Variants in SCAI observed in about 807,000 individuals in gnomAD.
SCAI encodes suppressor of cancer cell invasion.
A neutral mutation model predicts 92.2 loss-of-function variants in SCAI; 24 were observed. That is an observed-to-expected ratio of 0.26 (90% CI 0.19 to 0.37). The LOEUF is 0.37. Among genes scored for constraint, SCAI ranks in the 10% least tolerant of loss-of-function variants. The pLI is 1.00. For synonymous variants in SCAI, 261 were observed against 258.6 expected, an observed-to-expected ratio of 1.01 and a Z score of -0.09; for missense variants, 450 against 736.2, an observed-to-expected ratio of 0.61 and a Z score of 4.50.
intron 15 of SCAI, among the ~76,000 whole-genome samples, chr9:124,972,090 G>C (rs542244869): frequency 6.6e-6 from 1 of 152,108 alleles, no homozygotes; most frequent in East Asian, 1.9e-4. Flanking sequence ...ACTATTTTTT[G>C]CTCTCAATTA....
chr9:124,952,947 G>T lies in SCAI; in HGVS notation c.1681C>A (p.Arg561=). The T allele has an allele frequency of 6.2e-7, 1 of 1,612,836 alleles. No homozygotes were observed. Among genetic ancestry groups the T allele is most frequent in the Non-Finnish European group, 8.5e-7 (1 of 1,179,644 alleles). Residue 561 remains arginine, a synonymous_variant, in exon 18 of 18, where the codon CGA becomes AGA. Transcript: ENST00000336505. ...MRMHKIFRET[R]NYPESYPQLP... ...TGTGGATATGATTCTGGATAATTTC[G>T]TGTTTCCTGGTAGGCAAAGAAGAGA...
chr9:125,016,293 CAGG>C (rs1832758149), intron 9 of SCAI, among the ~76,000 whole-genome samples: 1 of 150,530 alleles, frequency 6.6e-6, no homozygotes, highest in African/African-American at 2.4e-5. Context: ...AAGGCTGAGG[CAGG>C]AGAATCGCTT....
At chr9:124,956,849 A>G (rs1831322085) in intron 17 of SCAI, among the ~76,000 whole-genome samples, 1 of 152,208 alleles carries the variant, frequency 6.6e-6, no homozygotes, top group Non-Finnish European at 1.5e-5. Context: ...AGGCATATAG[A>G]TTGGAAAAAA....
intron 13 of SCAI, among the ~76,000 whole-genome samples, chr9:124,995,953 C>T (rs908116935): frequency 2.0e-5 from 3 of 151,912 alleles, no homozygotes; most frequent in African/African-American, 7.3e-5. Context: ...GTGCTCTTTC[C>T]GATGACTGAG....
At chr9:124,973,768 T>C (rs1461533787) in intron 15 of SCAI, among the ~76,000 whole-genome samples, 1 of 152,098 alleles carries the variant, frequency 6.6e-6, no homozygotes, top group Non-Finnish European at 1.5e-5. Flanking sequence ...GCAGAGGTTG[T>C]AGTGAGCTGA....
chr9:125,042,901 C>T (rs1254934057), intron 3 of SCAI, among the ~76,000 whole-genome samples: 4 of 108,240 alleles, frequency 3.7e-5, no homozygotes. Flanking sequence ...CAGAGTCTCA[C>T]TTCACCCAGG....
At chr9:125,081,669 T>G (rs968147176) in intron 2 of SCAI, among the ~76,000 whole-genome samples, 5 of 152,058 alleles carry the variant, frequency 3.3e-5, no homozygotes, top group African/African-American at 1.2e-4. Context: ...GCCTCCCAAG[T>G]TCAAGCAATT....
chr9:125,006,012 A>G (rs1832498727), intron 9 of SCAI, among the ~76,000 whole-genome samples: 1 of 152,170 alleles, frequency 6.6e-6, no homozygotes, highest in African/African-American at 2.4e-5. Flanking sequence ...TTCACTTAAA[A>G]AGAACAAAAA....
chr9:124,964,644 G>A (rs1040625367), intron 17 of SCAI, among the ~76,000 whole-genome samples: 5 of 152,212 alleles, frequency 3.3e-5, no homozygotes, highest in Non-Finnish European at 1.5e-5. Context: ...TCTGGGGCAA[G>A]TAGGCCACTT....
chr9:125,105,576 G>T (rs539373775), intron 2 of SCAI, among the ~76,000 whole-genome samples: 2 of 152,276 alleles, frequency 1.3e-5, no homozygotes, highest in South Asian at 4.1e-4. Flanking sequence ...CTATAATTCT[G>T]TACAGTGTAT....
chr9:124,990,360 G>A (rs776896688), intron 14 of SCAI, among the ~76,000 whole-genome samples: 59 of 152,100 alleles, frequency 3.9e-4, no homozygotes, highest in Middle Eastern at 3.4e-3. Context: ...GTGGTGGCAC[G>A]TGCTTATAAT....
rs1195663083 is a variant in SCAI at position 125,032,170 on chromosome 9, AAT to A, written c.231-2433_231-2432del. ...CACTCAAATGTTTAATAGTAAAATG[AAT>A]ATATATATATATATATATATATATT... On this transcript the variant is annotated intron_variant, in intron 3 of 17. Transcript: ENST00000336505. Among the ~76,000 whole-genome samples the A allele has an allele frequency of 1.8e-3, 209 of 118,660 alleles. 3 individuals carry two copies. The highest frequency in any genetic ancestry group is 9.1e-3 in the Middle Eastern group (2 of 220). The allele number at this position is 118,660 out of a possible 152,430, so 77.8% of individuals were successfully genotyped here.
intron 14 of SCAI, among the ~76,000 whole-genome samples, chr9:124,991,543 A>AT (rs1832123463): frequency 6.6e-6 from 1 of 151,852 alleles, no homozygotes; most frequent in Admixed American, 6.6e-5. Flanking sequence ...CTCTTTTCTC[A>AT]TTAAAAACTT....
chr9:125,006,661 T>G (rs1348788795), intron 9 of SCAI, among the ~76,000 whole-genome samples: 4 of 152,100 alleles, frequency 2.6e-5, no homozygotes, highest in African/African-American at 9.7e-5. Flanking sequence ...CCGGCTAATT[T>G]TTGTATTTTT....
At chr9:125,042,630 TGTGTACACAC>T (rs1833340896) in intron 3 of SCAI, among the ~76,000 whole-genome samples, 1 of 94,690 alleles carries the variant, frequency 1.1e-5, no homozygotes, top group African/African-American at 4.8e-5. Context: ...TGTGTGTGTG[TGTGTACACAC>T]ACACACACAC....
chr9:125,114,059 G>A (rs1834987893), intron 2 of SCAI, among the ~76,000 whole-genome samples: 2 of 152,178 alleles, frequency 1.3e-5, no homozygotes, highest in Non-Finnish European at 2.9e-5. Flanking sequence ...TGTGTGCTCA[G>A]GTGCCTTGGG....
rs777446571 is a variant in SCAI at position 124,971,747 on chromosome 9, T to G, written c.1497A>C (p.Leu499=). The G allele has an allele frequency of 6.2e-7, 1 of 1,612,716 alleles. No homozygotes were observed. Among genetic ancestry groups the G allele is most frequent in the Non-Finnish European group, 8.5e-7 (1 of 1,179,682 alleles). The change falls in exon 16 of 18, where the codon CTA becomes CTC. Residue 499 remains leucine, a synonymous_variant. Transcript: ENST00000336505. ...VSGLSSMRRG[L]WEKCQEYLRK... ...GAAGATATTCTTGACACTTTTCCCA[T>G]AGGCCTCTGCGCATGCTTGACAATC...
At chr9:125,077,611 A>C (rs774592296) in intron 2 of SCAI, among the ~76,000 whole-genome samples, 9 of 152,192 alleles carry the variant, frequency 5.9e-5, no homozygotes, top group Non-Finnish European at 1.0e-4. Flanking sequence ...AACACTTGTT[A>C]TTATCTGTCT....
intron 2 of SCAI, among the ~76,000 whole-genome samples, chr9:125,077,625 G>A (rs1834117921): frequency 6.6e-6 from 1 of 152,200 alleles, no homozygotes; most frequent in Non-Finnish European, 1.5e-5. Context: ...TCTGTCTAGA[G>A]AGATTTGGAT....
Sources: gnomAD v4.1 joint callset for allele counts (sites outside exome capture counted in the v4.1 genomes callset) on GRCh38, gnomAD v4.1.1 for gene constraint, MANE v1.5 for transcripts, NCBI Gene and HGNC (gene_info 2026-07-23, HGNC 2026-07-21) for gene names.